Variants in KCNQ5 observed in about 807,000 individuals in gnomAD.
KCNQ5 encodes potassium voltage-gated channel subfamily Q member 5.
A neutral mutation model predicts 98.2 loss-of-function variants in KCNQ5; 30 were observed. The ratio of observed to expected loss-of-function variants is 0.31; its 90% CI spans 0.23 to 0.41. The LOEUF (loss-of-function observed/expected upper bound fraction) is 0.41, where lower values mean the gene tolerates loss of function less well. Among genes scored for constraint, KCNQ5 ranks in the 10% least tolerant of loss-of-function variants. The pLI is 1.00. For synonymous variants in KCNQ5, 458 were observed against 449.4 expected (o/e 1.02, Z -0.24); for missense variants, 835 against 1,182.5 (o/e 0.71, Z 4.31).
chr6:72,933,976 T>C (rs1172822184), intron 1 of KCNQ5, among the ~76,000 whole-genome samples: 44 of 152,256 alleles, frequency 2.9e-4, no homozygotes, highest in Non-Finnish European at 2.5e-4. Flanking sequence ...GTACACCATC[T>C]CTGAGCCCAG....
intron 1 of KCNQ5, among the ~76,000 whole-genome samples, chr6:72,849,447 A>G (rs1777156116): frequency 1.3e-5 from 2 of 152,086 alleles, no homozygotes. Context: ...CCTTGCCAAC[A>G]TCTGTTATTT....
At chr6:73,119,216 G>A (rs1424905877) in intron 7 of KCNQ5, among the ~76,000 whole-genome samples, 2 of 152,208 alleles carry the variant, frequency 1.3e-5, no homozygotes, top group Non-Finnish European at 2.9e-5. Context: ...TCTCAAATGA[G>A]CAGTTCAGAT....
intron 1 of KCNQ5, among the ~76,000 whole-genome samples, chr6:72,907,233 G>A (rs1779735077): frequency 6.6e-6 from 1 of 152,096 alleles, no homozygotes; most frequent in Admixed American, 6.6e-5. Flanking sequence ...CTTGGGTGAT[G>A]AAATAATCAG....
intron 1 of KCNQ5, among the ~76,000 whole-genome samples, chr6:72,694,919 G>A (rs1403523374): frequency 1.3e-5 from 2 of 148,226 alleles, no homozygotes; most frequent in Admixed American, 1.4e-4. Flanking sequence ...AGTACCCAAT[G>A]TTTAGCTCCC....
At chr6:72,871,163 A>G (rs531767278) in intron 1 of KCNQ5, among the ~76,000 whole-genome samples, 2 of 152,328 alleles carry the variant, frequency 1.3e-5, no homozygotes, top group Non-Finnish European at 2.9e-5. Context: ...TGAGAAAAGA[A>G]CAAGCATCCT....
At chr6:72,768,651 G>T (rs1383578475) in intron 1 of KCNQ5, among the ~76,000 whole-genome samples, 1 of 151,994 alleles carries the variant, frequency 6.6e-6, no homozygotes, top group Non-Finnish European at 1.5e-5. Flanking sequence ...TTGGAGGAAA[G>T]TGGAAGACTG....
At chr6:72,698,936 G>C (rs1046825092) in intron 1 of KCNQ5, among the ~76,000 whole-genome samples, 1 of 152,082 alleles carries the variant, frequency 6.6e-6, no homozygotes, top group South Asian at 2.1e-4. Context: ...TGGGATTACA[G>C]GTGTAAGTCA....
intron 1 of KCNQ5, among the ~76,000 whole-genome samples, chr6:72,866,233 A>G (rs1453089153): frequency 6.9e-6 from 1 of 145,080 alleles, no homozygotes; most frequent in African/African-American, 2.5e-5. Flanking sequence ...TGCTTATTCT[A>G]GTTTCCTCCG....
intron 1 of KCNQ5, among the ~76,000 whole-genome samples, chr6:72,809,840 T>C (rs1775158538): frequency 6.6e-6 from 1 of 152,226 alleles, no homozygotes; most frequent in Non-Finnish European, 1.5e-5. Context: ...ATGTGGTCTG[T>C]GTATTTTTGT....
intron 1 of KCNQ5, among the ~76,000 whole-genome samples, chr6:72,801,048 A>G (rs1305727511): frequency 2.0e-4 from 30 of 152,136 alleles, no homozygotes; most frequent in African/African-American, 7.2e-4. Flanking sequence ...ACTTCCAACT[A>G]TGTGGTCAAT....
At chr6:72,626,104 T>C (rs995526958) in intron 1 of KCNQ5, among the ~76,000 whole-genome samples, 3 of 152,242 alleles carry the variant, frequency 2.0e-5, no homozygotes, top group Non-Finnish European at 4.4e-5. Context: ...GGCAAAGGCC[T>C]CCACTCTGGA....
chr6:73,165,801 C>A lies in KCNQ5; in HGVS notation c.1469-3945C>A, dbSNP rs561108238. On this transcript the variant is annotated intron_variant, in intron 10 of 13. Transcript: ENST00000370398. ...CTCTACTAAATATTTAAAAATTAGC[C>A]GTGTGTGGTGGTGGGCACCTATAAT... is the stretch of plus-strand genomic sequence containing the variant. 1.7e-3 allele frequency among the ~76,000 whole-genome samples: 258 copies of A among 151,806 alleles called. 1 individual carries two copies. Among genetic ancestry groups the A allele is most frequent in the African/African-American group, 6.0e-3 (250 of 41,420 alleles).
chr6:72,927,635 A>T (rs1257904152), intron 1 of KCNQ5, among the ~76,000 whole-genome samples: 1 of 152,080 alleles, frequency 6.6e-6, no homozygotes, highest in East Asian at 1.9e-4. Context: ...AAAATAAACT[A>T]TTTAAAGATC....
Position 72,782,847 on chromosome 6 carries a change from A to G in KCNQ5, c.398+160260A>G, listed in dbSNP as rs750236871. Among the ~76,000 whole-genome samples the G allele has an allele frequency of 3.3e-5, 5 of 152,278 alleles. No homozygotes were observed. In the South Asian group the frequency reaches 8.3e-4, roughly 25 times the overall value. ...TACGTGCCTTATCACTGCATTATCT[A>G]CAGAGCCTAGAATGGTTCCTGTTGC... On this transcript the variant is annotated intron_variant, in intron 1 of 13. Coordinates refer to ENST00000370398, the MANE Select transcript of KCNQ5 (RefSeq NM_019842.4).
At chr6:73,128,161 A>G (rs1776069705) in intron 9 of KCNQ5, among the ~76,000 whole-genome samples, 1 of 152,264 alleles carries the variant, frequency 6.6e-6, no homozygotes, top group African/African-American at 2.4e-5. Flanking sequence ...CTGTTTCATC[A>G]GTTCTTTTTG....
At chr6:73,152,306 T>C (rs1282631144) in intron 10 of KCNQ5, among the ~76,000 whole-genome samples, 2 of 152,134 alleles carry the variant, frequency 1.3e-5, no homozygotes, top group Non-Finnish European at 2.9e-5. Flanking sequence ...AAGTTGGACT[T>C]GCATACTGGC....
intron 10 of KCNQ5, among the ~76,000 whole-genome samples, chr6:73,154,279 A>G (rs1777268221): frequency 6.6e-6 from 1 of 152,152 alleles, no homozygotes; most frequent in Non-Finnish European, 1.5e-5. Context: ...TATTACTCCA[A>G]ATCTCCTAAG....
chr6:72,739,052 G>A (rs533433576), intron 1 of KCNQ5, among the ~76,000 whole-genome samples: 3 of 152,210 alleles, frequency 2.0e-5, no homozygotes, highest in Non-Finnish European at 2.9e-5. Context: ...TGGACTTTGG[G>A]TGATAATGAT....
intron 1 of KCNQ5, among the ~76,000 whole-genome samples, chr6:72,731,898 T>C (rs574722821): frequency 3.3e-5 from 5 of 152,138 alleles, no homozygotes; most frequent in Non-Finnish European, 5.9e-5. Context: ...AAGAAGAAAA[T>C]AGGAAAGTGA....
Sources: gnomAD v4.1 joint callset for allele counts (sites outside exome capture counted in the v4.1 genomes callset) on GRCh38, gnomAD v4.1.1 for gene constraint, MANE v1.5 for transcripts, NCBI Gene and HGNC (gene_info 2026-07-23, HGNC 2026-07-21) for gene names.